Variants in CNTNAP2 observed in about 807,000 individuals in gnomAD.
CNTNAP2 encodes the protein contactin associated protein 2, also known as contactin-associated protein-like 2.
In CNTNAP2, 98 loss-of-function variants were observed where a neutral mutation model predicts 155.2. That is an observed-to-expected ratio of 0.63 (90% CI 0.54 to 0.75). The LOEUF is 0.75. Ranked by LOEUF, CNTNAP2 falls within the 30% of genes least tolerant of loss-of-function variation. The probability of loss-of-function intolerance (pLI) is 0.00; values close to 1 mark genes in which losing one functional copy is unlikely to be tolerated. For synonymous variants in CNTNAP2, 651 were observed against 631.2 expected (o/e 1.03, Z -0.47); for missense variants, 1,727 against 1,688.1 (o/e 1.02, Z -0.40).
intron 1 of CNTNAP2, among the ~76,000 whole-genome samples, chr7:146,370,285 A>AAAT (rs1795216250): frequency 7.0e-6 from 1 of 143,540 alleles, no homozygotes; most frequent in Non-Finnish European, 1.5e-5. Context: ...AAAAAAAAAA[A>AAAT]AAAATTAGCC....
intron 1 of CNTNAP2, among the ~76,000 whole-genome samples, chr7:146,595,392 G>A (rs752487861): frequency 2.0e-5 from 3 of 152,016 alleles, no homozygotes; most frequent in Admixed American, 1.3e-4. Context: ...ATATATAATA[G>A]TATGAATACA....
At chr7:147,235,256 C>T (rs1157653163) in intron 8 of CNTNAP2, among the ~76,000 whole-genome samples, 1 of 152,002 alleles carries the variant, frequency 6.6e-6, no homozygotes, top group Non-Finnish European at 1.5e-5. Flanking sequence ...AGCTTTCCAG[C>T]TCACCTGGAA....
At chr7:147,609,004 T>A (rs1378554779) in intron 12 of CNTNAP2, among the ~76,000 whole-genome samples, 3 of 152,162 alleles carry the variant, frequency 2.0e-5, no homozygotes, top group African/African-American at 7.2e-5. Context: ...CCATTTTCAC[T>A]TCTTTTGTGA....
chr7:146,404,613 A>G (rs996483426), intron 1 of CNTNAP2, among the ~76,000 whole-genome samples: 5 of 152,142 alleles, frequency 3.3e-5, no homozygotes, highest in Admixed American at 1.3e-4. Flanking sequence ...TGGTCTGAGA[A>G]TAAAAACCAT....
chr7:147,007,379 T>G (rs962816856), intron 3 of CNTNAP2, among the ~76,000 whole-genome samples: 2 of 152,146 alleles, frequency 1.3e-5, no homozygotes, highest in African/African-American at 4.8e-5. Flanking sequence ...TCTGGGGCTT[T>G]CTTTCCTGCT....
At chr7:148,047,554 C>T (rs939413208) in intron 15 of CNTNAP2, among the ~76,000 whole-genome samples, 9 of 152,008 alleles carry the variant, frequency 5.9e-5, no homozygotes, top group African/African-American at 2.2e-4. Context: ...AAAAAAAGCA[C>T]AAAAATGTCA....
chr7:147,692,826 C>T (rs1277986085), intron 13 of CNTNAP2, among the ~76,000 whole-genome samples: 1 of 152,048 alleles, frequency 6.6e-6, no homozygotes, highest in African/African-American at 2.4e-5. Context: ...TGCTCCTTCA[C>T]AGAGCAGAAA....
chr7:147,940,004 G>T (rs530741663), intron 14 of CNTNAP2: 1 of 152,244 alleles, frequency 6.6e-6, no homozygotes, highest in Non-Finnish European at 1.5e-5. Context: ...TTACTTTAGA[G>T]CCAAGCATGG....
At chr7:147,689,827 AT>A (rs1356563238) in intron 13 of CNTNAP2, among the ~76,000 whole-genome samples, 1 of 151,970 alleles carries the variant, frequency 6.6e-6, no homozygotes, top group African/African-American at 2.4e-5. Context: ...TAAAAAAAAA[AT>A]TTCAAATTGC....
intron 10 of CNTNAP2, among the ~76,000 whole-genome samples, chr7:147,484,302 G>A (rs890291187): frequency 2.0e-5 from 3 of 152,052 alleles, no homozygotes; most frequent in Non-Finnish European, 4.4e-5. Flanking sequence ...TTTCCCCAAT[G>A]TTCTTCCTCT....
intron 21 of CNTNAP2, among the ~76,000 whole-genome samples, chr7:148,332,665 C>A (rs1295220712): frequency 6.6e-6 from 1 of 152,132 alleles, no homozygotes; most frequent in Admixed American, 6.5e-5. Context: ...CACACATTAT[C>A]GTCAGTCAGA....
intron 21 of CNTNAP2, among the ~76,000 whole-genome samples, chr7:148,295,974 A>G (rs1186714078): frequency 1.3e-5 from 2 of 152,182 alleles, no homozygotes; most frequent in Non-Finnish European, 2.9e-5. Context: ...TGACATATAT[A>G]CATGCAAAAG....
At chr7:148,131,184 C>T (rs372984631) in intron 16 of CNTNAP2, among the ~76,000 whole-genome samples, 31 of 150,614 alleles carry the variant, frequency 2.1e-4, no homozygotes, top group Admixed American at 1.3e-3. Flanking sequence ...CCACAACCTC[C>T]GCCTCCCGGG....
intron 18 of CNTNAP2, among the ~76,000 whole-genome samples, chr7:148,211,602 C>T (rs4513897): frequency 0.14 from 21,819 of 152,118 alleles, 1,793 homozygotes; most frequent in Admixed American, 0.21. Flanking sequence ...AGAATTTTTC[C>T]CTCCCCCTCA....
At chr7:147,935,931 G>A (rs1800598954) in intron 14 of CNTNAP2, among the ~76,000 whole-genome samples, 1 of 152,096 alleles carries the variant, frequency 6.6e-6, no homozygotes, top group Non-Finnish European at 1.5e-5. Context: ...TTTAAGAGAT[G>A]CAACATAATG....
At chr7:147,715,634 A>C (rs1022795874) in intron 13 of CNTNAP2, among the ~76,000 whole-genome samples, 2 of 152,110 alleles carry the variant, frequency 1.3e-5, no homozygotes, top group African/African-American at 4.8e-5. Context: ...ATTTTCTCCC[A>C]GTCTGCAATT....
intron 8 of CNTNAP2, among the ~76,000 whole-genome samples, chr7:147,172,745 G>T (rs1802258514): frequency 1.3e-5 from 2 of 152,094 alleles, no homozygotes; most frequent in South Asian, 4.1e-4. Context: ...TAAACTCAAG[G>T]ATCTAAAATG....
chr7:146,992,724 C>A (rs1472790401), intron 3 of CNTNAP2, among the ~76,000 whole-genome samples: 1 of 152,034 alleles, frequency 6.6e-6, no homozygotes, highest in African/African-American at 2.4e-5. Context: ...TTTCTAGAAC[C>A]AACTATCTAA....
intron 13 of CNTNAP2, among the ~76,000 whole-genome samples, chr7:147,655,178 A>G (rs568819246): frequency 6.6e-6 from 1 of 151,438 alleles, no homozygotes; most frequent in African/African-American, 2.4e-5. Context: ...GCTGGAGTGC[A>G]GTGGCACAAT....
Sources: gnomAD v4.1 joint callset for allele counts (sites outside exome capture counted in the v4.1 genomes callset) on GRCh38, gnomAD v4.1.1 for gene constraint, MANE v1.5 for transcripts, NCBI Gene and HGNC (gene_info 2026-07-23, HGNC 2026-07-21) for gene names.